The following RET variants were observed in gnomAD, a reference collection of about 807,000 sequenced individuals.
The protein encoded by RET is ret proto-oncogene.
A neutral mutation model predicts 118.3 loss-of-function variants in RET; 19 were observed. That is an observed-to-expected ratio of 0.16 (90% CI 0.11 to 0.24). The LOEUF is 0.24. RET is among the 10% of genes least tolerant of loss of function. The probability of loss-of-function intolerance (pLI) is 1.00; values close to 1 mark genes in which losing one functional copy is unlikely to be tolerated. For missense variants in RET, 1,219 were observed against 1,502.1 expected, an observed-to-expected ratio of 0.81 and a Z score of 3.12; for synonymous variants, 597 against 644.1, an observed-to-expected ratio of 0.93 and a Z score of 1.11.
chr10:43,116,142 G>A (rs1443057046), intron 11 of RET, among the ~76,000 whole-genome samples: 4 of 152,250 alleles, frequency 2.6e-5, no homozygotes, highest in African/African-American at 7.2e-5. Context: ...GGGTGCGTGA[G>A]GGCCAGTGGC....
Position 43,106,647 on chromosome 10 carries a change from C to G in RET, c.1063+76C>G. 6.9e-7 allele frequency: 1 copy of G among 1,450,808 alleles called. No homozygotes were observed. The highest frequency in any genetic ancestry group is 1.2e-5 in the South Asian group (1 of 83,188). 89.9% of individuals were successfully genotyped at this position (1,450,808 alleles called of 1,614,324 possible). ...CTCGCTCTTCATGGGCAAGCAGCACCCTACACACATGCACACCTGGCATGG... is the reference window on the plus strand; with the variant it reads ...CTCGCTCTTCATGGGCAAGCAGCACGCTACACACATGCACACCTGGCATGG... On this transcript the variant is annotated intron_variant, in intron 5 of 19. Transcript: ENST00000355710. This position sits in a 1 kb window ranked among gnomAD's most constrained non-coding sequence, Gnocchi z 5.1.
intron 6 of RET, among the ~76,000 whole-genome samples, 158 bp from the exon 7 acceptor site, chr10:43,111,049 G>A (rs1287200141): frequency 6.6e-6 from 1 of 152,140 alleles, no homozygotes; most frequent in Non-Finnish European, 1.5e-5. Flanking sequence ...TGGGTATGAA[G>A]GCTCTGAGGG....
chr10:43,129,302 T>G lies in RET; in HGVS notation c.*1033T>G, dbSNP rs1199260655. 1 of 233,550 alleles carries G rather than the reference T, an allele frequency of 4.3e-6. No homozygotes were observed. Among genetic ancestry groups the G allele is most frequent in the Non-Finnish European group, 8.5e-6 (1 of 118,054 alleles). The allele number at this position is 233,550 out of a possible 1,614,324, so 14.5% of individuals were successfully genotyped here. A position where few individuals can be genotyped will look rare whatever the true frequency, so the allele number is the denominator to read the frequency against. On this transcript the variant is annotated 3_prime_UTR_variant, in exon 20 of 20. Coordinates refer to ENST00000355710, the MANE Select transcript of RET (RefSeq NM_020975.6). ...ACAGGCTAGCTAGCTGTGTTAGAAG[T>G]AGCAATGACAATGACCAAGGACTGC...
intron 15 of RET, 51 bp downstream of exon 15, chr10:43,120,254 A>G (rs1298766031): frequency 6.2e-7 from 1 of 1,607,790 alleles, no homozygotes; most frequent in Non-Finnish European, 8.5e-7. Flanking sequence ...CAGGTGCACC[A>G]TGGGGCAGGC....
intron 17 of RET, among the ~76,000 whole-genome samples, chr10:43,124,432 G>A (rs144775121): frequency 1.7e-3 from 258 of 152,190 alleles, no homozygotes; most frequent in Middle Eastern, 6.8e-3. Context: ...AAGCAAGGAC[G>A]GTGCAGGACA....
Position 43,128,812 on chromosome 10 carries a change from G to A in RET, c.*543G>A, listed in dbSNP as rs902577299. On this transcript the variant is annotated 3_prime_UTR_variant, in exon 20 of 20. Transcript: ENST00000355710. ...GCCCCTCCAGGGCTGGAGGGGAAGA[G>A]GGGCCCCGAGGATGGGCCTGGGCTC... is the stretch of plus-strand genomic sequence containing the variant. The A allele has an allele frequency of 1.2e-5, 3 of 252,416 alleles. No homozygotes were observed. The highest frequency in any genetic ancestry group is 2.3e-5 in the Non-Finnish European group (3 of 129,312). The allele number at this position is 252,416 out of a possible 1,614,324, so 15.6% of individuals were successfully genotyped here.
At chr10:43,079,008 G>A (rs779575515) in intron 1 of RET, among the ~76,000 whole-genome samples, 1 of 152,182 alleles carries the variant, frequency 6.6e-6, no homozygotes, top group Admixed American at 6.5e-5. Flanking sequence ...GGTTCGAGCC[G>A]CACTCTTGGA....
In RET at chr10:43,114,499, G is replaced by A. The variant is rs1347379637; in HGVS notation, c.1899G>A (p.Leu633=). Residue 633 remains leucine (L), a synonymous_variant, in exon 11 of 20, where the codon CTG becomes CTA. Coordinates refer to ENST00000355710, the MANE Select transcript of RET (RefSeq NM_020975.6). The surrounding 1 kb of genome is among the most constrained non-coding windows in gnomAD (Gnocchi z 4.6). ...CCACAGATCCACTGTGCGACGAGCTGTGCCGCACGGTGATCGCAGCCGCTG... is the reference window on the plus strand; with the variant it reads ...CCACAGATCCACTGTGCGACGAGCTATGCCGCACGGTGATCGCAGCCGCTG... ...EDIQDPLCDE[L]CRTVIAAAVL... is the part of the protein sequence containing the mutation. The A allele has an allele frequency of 2.5e-6, 4 of 1,607,570 alleles. No individual in the cohort carries two copies. Among genetic ancestry groups the A allele is most frequent in the Admixed American group, 1.7e-5 (1 of 59,972 alleles).
At chr10:43,081,439 G>A (rs1012951100) in intron 1 of RET, among the ~76,000 whole-genome samples, 5 of 152,208 alleles carry the variant, frequency 3.3e-5, no homozygotes, top group Admixed American at 2.0e-4. Context: ...GGGAGAGACC[G>A]TAGTCAAGGA....
At chr10:43,088,276 GTGATGGTGAAGGTGGTGGTGGAGGTCA>G (rs549676704) in intron 1 of RET, among the ~76,000 whole-genome samples, 2,305 of 151,708 alleles carry the variant, frequency 0.015, 67 homozygotes, top group African/African-American at 0.053. Context: ...ATTAGTGAAG[GTGATGGTGAAGGTGGTGGTGGAGGTCA>G]TGATGGTGAA....
intron 1 of RET, among the ~76,000 whole-genome samples, chr10:43,095,664 C>A (rs1837508188): frequency 6.6e-6 from 1 of 152,244 alleles, no homozygotes; most frequent in Admixed American, 6.5e-5. Context: ...CTGAGCTGGG[C>A]AGGGTGGGAG....
intron 1 of RET, among the ~76,000 whole-genome samples, chr10:43,081,359 C>T (rs1158740025): frequency 6.6e-6 from 1 of 152,150 alleles, no homozygotes; most frequent in Non-Finnish European, 1.5e-5. Context: ...GCTGGGAGCA[C>T]TCCTGAGGGA....
At chr10:43,091,822 C>CAAAAAAAAAAAAAAAAAA (rs60545334) in intron 1 of RET, among the ~76,000 whole-genome samples, 1 of 114,612 alleles carries the variant, frequency 8.7e-6, no homozygotes, top group Non-Finnish European at 1.8e-5. Context: ...TGTCTACTAT[C>CAAAAAAAAAAAAAAAAAA]AAAAAAAAAA....
chr10:43,114,845 T>A lies in RET; in HGVS notation c.2136+109T>A. The A allele has an allele frequency of 8.2e-7, 1 of 1,212,648 alleles. No individual in the cohort carries two copies. The highest frequency in any genetic ancestry group is 1.1e-6 in the Non-Finnish European group (1 of 880,822). The allele number at this position is 1,212,648 out of a possible 1,614,324, so 75.1% of individuals were successfully genotyped here. ...CCATCCTGTGAGGGGCTGCCAACGC[T>A]GGGCAGACGAGGCCTGTGTTCTGCC... is the stretch of plus-strand genomic sequence containing the variant. On this transcript the variant is annotated intron_variant, in intron 11 of 19. Coordinates refer to ENST00000355710, the MANE Select transcript of RET (RefSeq NM_020975.6). The surrounding 1 kb of genome is among the most constrained non-coding windows in gnomAD (Gnocchi z 4.6).
rs1588877642 is a variant in RET at position 43,120,096 on chromosome 10, T to G, written c.2623T>G (p.Leu875Val). 6.2e-7 allele frequency: 1 copy of G among 1,613,982 alleles called. No homozygotes were observed. Among genetic ancestry groups the G allele is most frequent in the Admixed American group, 1.7e-5 (1 of 60,004 alleles). The change falls in exon 15 of 20, where the codon TTG (leucine) becomes GTG (valine). Residue 875 changes from leucine to valine, a missense_variant. Around this residue, in one of 5 missense-constraint regions of RET, gnomAD observed 73 missense variants for 156.5 expected, o/e 0.47. Transcript: ENST00000355710. Reference protein sequence around the residue: ...LAEMKLVHRDLAARNILVAEG... With the variant: ...LAEMKLVHRDVAARNILVAEG... ...TTCCTCACAGCTCGTTCATCGGGACTTGGCAGCCAGAAACATCCTGGTAGC... is the reference window on the plus strand; with the variant it reads ...TTCCTCACAGCTCGTTCATCGGGACGTGGCAGCCAGAAACATCCTGGTAGC...
At chr10:43,119,045 G>A (rs1305609646) in intron 13 of RET, among the ~76,000 whole-genome samples, 1 of 152,346 alleles carries the variant, frequency 6.6e-6, no homozygotes, top group Non-Finnish European at 1.5e-5. Context: ...CCGGGAGTGC[G>A]CAGCAGGCAC....
At chr10:43,095,317 G>T (rs1837498879) in intron 1 of RET, among the ~76,000 whole-genome samples, 2 of 152,116 alleles carry the variant, frequency 1.3e-5, no homozygotes, top group Non-Finnish European at 2.9e-5. Context: ...GGACTGCCCG[G>T]GCAGCAGGAC....
intron 16 of RET, 63 bp downstream of exon 16, chr10:43,122,079 G>T: frequency 1.5e-6 from 2 of 1,301,432 alleles, no homozygotes; most frequent in Non-Finnish European, 2.2e-6. Flanking sequence ...CATGTAGTGG[G>T]GCCACGACGC....
chr10:43,110,723 C>G (rs917836225), intron 6 of RET, among the ~76,000 whole-genome samples: 1 of 152,156 alleles, frequency 6.6e-6, no homozygotes, highest in African/African-American at 2.4e-5. Context: ...GTTCAGTGCT[C>G]TGACCAGGGG....
Sources: allele counts gnomAD v4.1 joint callset (sites outside exome capture counted in the v4.1 genomes callset), GRCh38; gene constraint gnomAD v4.1.1; regional missense constraint gnomAD v4.1.1; non-coding constraint Gnocchi (gnomAD v3.1); transcripts MANE v1.5; gene names NCBI Gene and HGNC (gene_info 2026-07-23, HGNC 2026-07-21).